ADAMTS18: variants seen among roughly 807,000 people sequenced by gnomAD.
The protein encoded by ADAMTS18 is ADAM metallopeptidase with thrombospondin type 1 motif 18, also known as A disintegrin and metalloproteinase with thrombospondin motifs 18.
Under a neutral mutation model 165.9 loss-of-function variants are expected in ADAMTS18, and 157 were observed. The observed-to-expected ratio is 0.95, with a 90% confidence interval of 0.83 to 1.08. The LOEUF (loss-of-function observed/expected upper bound fraction) is 1.08, where lower values mean the gene tolerates loss of function less well. Ranked by LOEUF, ADAMTS18 falls within the 50% of genes least tolerant of loss-of-function variation. ADAMTS18 has a pLI of 0.00. For missense variants in ADAMTS18, 2,040 were observed against 1,534.0 expected (o/e 1.33, Z -5.51); for synonymous variants, 782 against 578.2 (o/e 1.35, Z -5.06).
chr16:77,433,268 C>T (rs2057760205), intron 2 of ADAMTS18: 1 of 152,200 alleles, frequency 6.6e-6, no homozygotes, highest in Non-Finnish European at 1.5e-5. Flanking sequence ...TGAAACTCTG[C>T]CTGCTCTTAC....
chr16:77,382,535 TAC>T (rs2057046685), intron 3 of ADAMTS18, among the ~76,000 whole-genome samples: 1 of 152,168 alleles, frequency 6.6e-6, no homozygotes, highest in African/African-American at 2.4e-5. Context: ...AAAGGACAGA[TAC>T]TGAAGCTACA....
intron 11 of ADAMTS18, among the ~76,000 whole-genome samples, chr16:77,337,908 CTT>C (rs10679600): frequency 1.3e-4 from 18 of 140,792 alleles, no homozygotes; most frequent in African/African-American, 7.8e-5. Flanking sequence ...CTTTTCTTTT[CTT>C]TTTTTTTTTT....
rs2055169515 is a variant in ADAMTS18, at chr16:77,282,740, A to G, written c.*1216T>C. Reference sequence around the variant, plus strand: ...GGCAAAATAGTGTGATGTTTTTTCAATTGAGAACAATTTTAAACTCATTAA... The same window carrying G: ...GGCAAAATAGTGTGATGTTTTTTCAGTTGAGAACAATTTTAAACTCATTAA... On this transcript the variant is annotated 3_prime_UTR_variant, in exon 23 of 23. Transcript: ENST00000282849. 1 of 152,566 alleles carries G rather than the reference A, an allele frequency of 6.6e-6. No homozygotes were observed. The highest frequency in any genetic ancestry group is 2.1e-4 in the South Asian group (1 of 4,832). The allele number at this position is 152,566 out of a possible 1,614,324, so 9.5% of individuals were successfully genotyped here. A position where few individuals can be genotyped will look rare whatever the true frequency, so the allele number is the denominator to read the frequency against.
In ADAMTS18 at chr16:77,289,245, G is replaced by A; in HGVS notation, c.3550+19C>T. 1.9e-6 allele frequency: 3 copies of A among 1,613,952 alleles called. No homozygotes were observed. Among genetic ancestry groups the A allele is most frequent in the South Asian group, 1.1e-5 (1 of 91,050 alleles). On this transcript the variant is annotated intron_variant, in intron 22 of 22. Coordinates refer to ENST00000282849, the MANE Select transcript of ADAMTS18 (RefSeq NM_199355.4). Reference sequence around the variant, plus strand: ...ATCTAAAGACTAGTAAAGTTGACTGGAGCATGGTGCCTTTTTACCTCTCTT... The same window carrying A: ...ATCTAAAGACTAGTAAAGTTGACTGAAGCATGGTGCCTTTTTACCTCTCTT...
In ADAMTS18 at chr16:77,282,686, G is replaced by A. The variant is rs1348197164; in HGVS notation, c.*1270C>T. 1 of 152,486 alleles carries A rather than the reference G, an allele frequency of 6.6e-6. No homozygotes were observed. The highest frequency in any genetic ancestry group is 1.5e-5 in the Non-Finnish European group (1 of 68,026). 9.4% of individuals were successfully genotyped at this position (152,486 alleles called of 1,614,324 possible). On this transcript the variant is annotated 3_prime_UTR_variant, in exon 23 of 23. Transcript: ENST00000282849. ...AACCACTTCTCAAAAAATTACAGGA[G>A]GACACAGTATTATAATTACTTTGGT...
chr16:77,389,074 T>G (rs1282503335), intron 3 of ADAMTS18, among the ~76,000 whole-genome samples: 1 of 152,054 alleles, frequency 6.6e-6, no homozygotes, highest in Admixed American at 6.6e-5. Flanking sequence ...CCAAGGTTGG[T>G]GGATAGTTTC....
intron 8 of ADAMTS18, among the ~76,000 whole-genome samples, chr16:77,359,029 C>G (rs1202185341): frequency 6.8e-6 from 1 of 146,632 alleles, no homozygotes; most frequent in Non-Finnish European, 1.5e-5. Context: ...CTAGAAGTGT[C>G]TTCATTGCTG....
At chr16:77,418,769 C>T (rs1334642599) in intron 3 of ADAMTS18, among the ~76,000 whole-genome samples, 2 of 152,180 alleles carry the variant, frequency 1.3e-5, no homozygotes, top group Non-Finnish European at 2.9e-5. Flanking sequence ...TTGGTGAACA[C>T]CTGCCAAAGA....
rs572176696 is a variant in ADAMTS18, at chr16:77,396,502, G to A, written c.496-28779C>T. On this transcript the variant is annotated intron_variant, in intron 3 of 22. Coordinates refer to ENST00000282849, the MANE Select transcript of ADAMTS18 (RefSeq NM_199355.4). ...AGTAGTATAATTTTTGAAGGAAGTC[G>A]TTATTAGAAACACAAGGCTGAAAAA... Among the ~76,000 whole-genome samples the A allele has an allele frequency of 7.2e-5, 11 of 152,288 alleles. No homozygotes were observed. The South Asian group carries it at 2.3e-3, about 32-fold the overall frequency.
rs4038556 is a variant in ADAMTS18 at position 77,282,925 on chromosome 16, T to TTTTTTTTTTTTTTTTTC, written c.*1030_*1031insGAAAAAAAAAAAAAAAA. On this transcript the variant is annotated 3_prime_UTR_variant, in exon 23 of 23. Coordinates refer to ENST00000282849, the MANE Select transcript of ADAMTS18 (RefSeq NM_199355.4). ...TTCTCTCTTTTTTTTTTTTTTTTTT[T>TTTTTTTTTTTTTTTTTC]TGCTGTTAGCTCAATCCTAGGGCAA... is the stretch of plus-strand genomic sequence containing the variant. 8.0e-6 allele frequency: 1 copy of TTTTTTTTTTTTTTTTTC among 125,582 alleles called. No individual in the cohort carries two copies. Among genetic ancestry groups the TTTTTTTTTTTTTTTTTC allele is most frequent in the Non-Finnish European group, 1.8e-5 (1 of 56,640 alleles). 7.8% of individuals were successfully genotyped at this position (125,582 alleles called of 1,614,324 possible).
At chr16:77,420,893 G>C (rs1305719349) in intron 3 of ADAMTS18, among the ~76,000 whole-genome samples, 1 of 152,134 alleles carries the variant, frequency 6.6e-6, no homozygotes, top group Non-Finnish European at 1.5e-5. Flanking sequence ...AATAGAAAAA[G>C]GAGATGAGGA....
At chr16:77,360,571 T>A (rs1227791087) in intron 7 of ADAMTS18, among the ~76,000 whole-genome samples, 1 of 115,606 alleles carries the variant, frequency 8.7e-6, no homozygotes, top group African/African-American at 3.1e-5. Flanking sequence ...CTTCTCAGAA[T>A]CTCTCTTGAA....
intron 12 of ADAMTS18, among the ~76,000 whole-genome samples, chr16:77,334,525 T>C (rs1436757732): frequency 8.9e-6 from 1 of 112,828 alleles, no homozygotes; most frequent in Non-Finnish European, 1.6e-5. Flanking sequence ...ATATATTATA[T>C]AGTATATATA....
intron 16 of ADAMTS18, among the ~76,000 whole-genome samples, chr16:77,311,127 C>G (rs2055772258): frequency 6.6e-6 from 1 of 152,228 alleles, no homozygotes; most frequent in Admixed American, 6.5e-5. Flanking sequence ...ATTACTCTCA[C>G]AGTGGCATCC....
intron 11 of ADAMTS18, 47 bp downstream of exon 11, chr16:77,341,657 G>A (rs369493412): frequency 1.4e-6 from 2 of 1,455,984 alleles, no homozygotes. Context: ...TGAATTCTAT[G>A]CCTTATCAAA....
In ADAMTS18 at chr16:77,319,915, C is replaced by T. The variant is rs2055960266; in HGVS notation, c.2466G>A (p.Gln822=). 2 of 1,614,178 alleles carry T rather than the reference C, an allele frequency of 1.2e-6. No individual in the cohort carries two copies. Among genetic ancestry groups the T allele is most frequent in the East Asian group, 2.2e-5 (1 of 44,876 alleles). ...FPFAGTTFEY[Q]RSFNRPERLY... is the part of the protein sequence containing the mutation. The stretch of plus-strand genomic sequence containing the variant: ...GACGTTCCGGGCGGTTGAAAGAGCG[C>T]TGGTATTCAAACGTGGTCCCAGCGA... Residue 822 remains glutamine, a synonymous_variant, in exon 16 of 23, where the codon CAG becomes CAA. Transcript: ENST00000282849.
rs749540928 is a variant in ADAMTS18 at position 77,300,378 on chromosome 16, C to T, written c.2559G>A (p.Gly853=). The T allele has an allele frequency of 1.2e-6, 2 of 1,614,026 alleles. No individual in the cohort carries two copies. Among genetic ancestry groups the T allele is most frequent in the Non-Finnish European group, 1.7e-6 (2 of 1,179,970 alleles). The change falls in exon 17 of 23, where the codon GGG becomes GGA. Residue 853 remains glycine (G), a synonymous_variant. Coordinates refer to ENST00000282849, the MANE Select transcript of ADAMTS18 (RefSeq NM_199355.4). ...FEILMQGKNP[G]IAWKYALPKV... is the part of the protein sequence containing the mutation. ...TGGGAAGTGCATACTTCCAAGCTAT[C>T]CCTGGATTTTTGCCTTGCATCAGAA...
chr16:77,392,151 C>G (rs763636548), intron 3 of ADAMTS18, among the ~76,000 whole-genome samples: 1 of 152,158 alleles, frequency 6.6e-6, no homozygotes, highest in African/African-American at 2.4e-5. Context: ...AAGACAGAAT[C>G]GCGTGATACC....
intron 3 of ADAMTS18, among the ~76,000 whole-genome samples, chr16:77,399,347 C>G (rs1426546915): frequency 6.6e-6 from 1 of 152,192 alleles, no homozygotes; most frequent in African/African-American, 2.4e-5. Flanking sequence ...GTCCTTCTGA[C>G]ATCACTTAGC....
Sources: allele counts gnomAD v4.1 joint callset (sites outside exome capture counted in the v4.1 genomes callset), GRCh38; gene constraint gnomAD v4.1.1; transcripts MANE v1.5; gene names NCBI Gene and HGNC (gene_info 2026-07-23, HGNC 2026-07-21).